The following MDGA2 variants were observed in gnomAD, a reference collection of about 807,000 sequenced individuals.
MDGA2 encodes MAM domain-containing glycosylphosphatidylinositol anchor protein 2.
A neutral mutation model predicts 117.8 loss-of-function variants in MDGA2; 40 were observed. The observed-to-expected ratio is 0.34, with a 90% confidence interval of 0.26 to 0.44. The LOEUF (loss-of-function observed/expected upper bound fraction) is 0.44. Among genes scored for constraint, MDGA2 ranks in the 20% least tolerant of loss-of-function variants. The pLI, the probability that MDGA2 is intolerant of heterozygous loss-of-function variation, is 1.00. For missense variants in MDGA2, 1,123 were observed against 1,250.6 expected (o/e 0.90, Z 1.54); for synonymous variants, 452 against 439.0 (o/e 1.03, Z -0.37).
intron 9 of MDGA2, among the ~76,000 whole-genome samples, chr14:46,940,961 TATAACTTGAGTTA>T (rs1884976722): frequency 6.6e-6 from 1 of 152,208 alleles, no homozygotes. Context: ...CTGCAAAACA[TATAACTTGAGTTA>T]ATAAAGTAGA....
At chr14:46,872,745 C>A (rs1383943245) in intron 14 of MDGA2, among the ~76,000 whole-genome samples, 1 of 151,882 alleles carries the variant, frequency 6.6e-6, no homozygotes, top group East Asian at 1.9e-4. Flanking sequence ...AATTGATATT[C>A]AGTTCTCAGG....
At chr14:47,003,123 G>T (rs1031465206) in intron 8 of MDGA2, among the ~76,000 whole-genome samples, 5 of 152,078 alleles carry the variant, frequency 3.3e-5, no homozygotes, top group African/African-American at 4.8e-5. Flanking sequence ...AAAAAAAGCT[G>T]GCTTCTTCCA....
intron 7 of MDGA2, among the ~76,000 whole-genome samples, chr14:47,055,882 G>A (rs1017321128): frequency 6.6e-5 from 10 of 152,152 alleles, no homozygotes; most frequent in East Asian, 1.9e-4. Context: ...AGCCCTTTAC[G>A]AAATGTTTGC....
At chr14:47,169,168 A>T (rs1450738051) in intron 3 of MDGA2, among the ~76,000 whole-genome samples, 1 of 151,992 alleles carries the variant, frequency 6.6e-6, no homozygotes, top group Non-Finnish European at 1.5e-5. Context: ...ATTTACATAC[A>T]CCCTTCAACA....
chr14:47,255,925 C>T (rs1193941805), intron 2 of MDGA2, among the ~76,000 whole-genome samples: 2 of 151,760 alleles, frequency 1.3e-5, no homozygotes, highest in Non-Finnish European at 1.5e-5. Flanking sequence ...TGATGTTATC[C>T]CATCTTTTGA....
intron 5 of MDGA2, among the ~76,000 whole-genome samples, chr14:47,129,489 C>A (rs1283443744): frequency 6.7e-6 from 1 of 150,170 alleles, no homozygotes; most frequent in Non-Finnish European, 1.5e-5. Flanking sequence ...TCCAGTCTAT[C>A]ATTGTTGGAC....
intron 6 of MDGA2, among the ~76,000 whole-genome samples, 199 bp downstream of exon 6, chr14:47,096,655 A>G (rs990224999): frequency 6.6e-6 from 1 of 152,064 alleles, no homozygotes; most frequent in Non-Finnish European, 1.5e-5. Flanking sequence ...TATTCAACGC[A>G]TATATAAAGC....
rs147006059 is a variant in MDGA2 at position 46,897,242 on chromosome 14, G to C, written c.2239-15021C>G. On this transcript the variant is annotated intron_variant, in intron 10 of 16. Transcript: ENST00000399232. ...CTAGTATCACTCTCCACTGAAGTGT[G>C]CCTATGTTTAAATATTATTTTAACT... 4.6e-4 allele frequency among the ~76,000 whole-genome samples: 70 copies of C among 152,070 alleles called. 1 individual carries two copies. The highest frequency in any genetic ancestry group is 1.2e-3 in the South Asian group (6 of 4,812).
chr14:47,170,930 G>C (rs758152060), intron 3 of MDGA2, among the ~76,000 whole-genome samples: 2 of 152,078 alleles, frequency 1.3e-5, no homozygotes, highest in Non-Finnish European at 2.9e-5. Flanking sequence ...AACTTTAAAT[G>C]TTTCGCTTTG....
In MDGA2 at chr14:47,592,924, A is replaced by G. The variant is rs1447702159; in HGVS notation, c.280+81593T>C. On this transcript the variant is annotated intron_variant, in intron 1 of 16. Coordinates refer to ENST00000399232, the MANE Select transcript of MDGA2 (RefSeq NM_001113498.3). The stretch of plus-strand genomic sequence containing the variant: ...AACTAAAGAACTTCTGCACAGCAAA[A>G]GTAACTCTCACTGGAGTGAACAAAC... Among the ~76,000 whole-genome samples the G allele has an allele frequency of 2.0e-5, 3 of 152,236 alleles. No homozygotes were observed. The East Asian group carries it at 5.8e-4, about 29-fold the overall frequency.
intron 15 of MDGA2, among the ~76,000 whole-genome samples, chr14:46,846,519 C>T (rs897947859): frequency 2.6e-5 from 4 of 151,962 alleles, no homozygotes; most frequent in African/African-American, 7.2e-5. Context: ...TTTATGGTGT[C>T]TATAACAATG....
At chr14:47,245,557 T>C (rs1173076295) in intron 2 of MDGA2, among the ~76,000 whole-genome samples, 1 of 151,604 alleles carries the variant, frequency 6.6e-6, no homozygotes, top group African/African-American at 2.4e-5. Context: ...ATAAAGGACT[T>C]CAAAGTGCCT....
intron 1 of MDGA2, among the ~76,000 whole-genome samples, chr14:47,338,727 T>C (rs2139937662): frequency 6.6e-6 from 1 of 152,204 alleles, no homozygotes; most frequent in Admixed American, 6.6e-5. Context: ...AAATAAAAGG[T>C]ATCTATAGAT....
intron 3 of MDGA2, among the ~76,000 whole-genome samples, chr14:47,195,116 T>C (rs1230864121): frequency 6.6e-6 from 1 of 152,052 alleles, no homozygotes; most frequent in African/African-American, 2.4e-5. Flanking sequence ...CATATTCTAT[T>C]TAAAACCAGT....
chr14:47,497,845 T>C (rs930863611), intron 1 of MDGA2, among the ~76,000 whole-genome samples: 2 of 152,168 alleles, frequency 1.3e-5, no homozygotes, highest in Non-Finnish European at 2.9e-5. Context: ...TTATCTATAA[T>C]CTAAGAAATT....
intron 1 of MDGA2, among the ~76,000 whole-genome samples, chr14:47,523,069 G>A (rs1284982163): frequency 6.6e-6 from 1 of 152,120 alleles, no homozygotes; most frequent in Non-Finnish European, 1.5e-5. Flanking sequence ...CAGTATTGTT[G>A]TGTACATTTA....
chr14:47,362,923 T>C (rs1169169844), intron 1 of MDGA2, among the ~76,000 whole-genome samples: 2 of 152,188 alleles, frequency 1.3e-5, no homozygotes, highest in African/African-American at 4.8e-5. Flanking sequence ...AAATGCTTGA[T>C]AGTTTTTGTT....
chr14:47,122,039 G>A (rs1161030443), intron 5 of MDGA2, among the ~76,000 whole-genome samples: 1 of 151,626 alleles, frequency 6.6e-6, no homozygotes, highest in Non-Finnish European at 1.5e-5. Flanking sequence ...TGTACTTATG[G>A]GCTGCATCTA....
intron 2 of MDGA2, among the ~76,000 whole-genome samples, chr14:47,231,342 G>A (rs1886682492): frequency 6.6e-6 from 1 of 152,022 alleles, no homozygotes; most frequent in African/African-American, 2.4e-5. Flanking sequence ...TGATGCATCA[G>A]AAAGGAAAAT....
Sources: gnomAD v4.1 joint callset for allele counts (sites outside exome capture counted in the v4.1 genomes callset) on GRCh38, gnomAD v4.1.1 for gene constraint, MANE v1.5 for transcripts, NCBI Gene and HGNC (gene_info 2026-07-23, HGNC 2026-07-21) for gene names.